Variants in HIPK2 observed in about 807,000 individuals in gnomAD.
HIPK2 encodes the protein homeodomain-interacting protein kinase 2.
A neutral mutation model predicts 113.7 loss-of-function variants in HIPK2; 27 were observed. That is an observed-to-expected ratio of 0.24 (90% CI 0.17 to 0.33). HIPK2 has a LOEUF of 0.33. Among genes scored for constraint, HIPK2 ranks in the 10% least tolerant of loss-of-function variants. The pLI is 1.00. For synonymous variants in HIPK2, 631 were observed against 642.2 expected, an observed-to-expected ratio of 0.98 and a Z score of 0.26; for missense variants, 1,257 against 1,588.0, an observed-to-expected ratio of 0.79 and a Z score of 3.54.
intron 1 of HIPK2, among the ~76,000 whole-genome samples, chr7:139,729,644 CAAG>C (rs1158735910): frequency 3.3e-5 from 5 of 152,170 alleles, no homozygotes; most frequent in African/African-American, 1.2e-4. Context: ...TGGAGGATCT[CAAG>C]AAGACAACCT....
intron 1 of HIPK2, among the ~76,000 whole-genome samples, chr7:139,769,381 C>T (rs1239850036): frequency 6.7e-6 from 1 of 148,322 alleles, no homozygotes; most frequent in Admixed American, 6.9e-5. Context: ...TTCTATTATA[C>T]CCAGGCCAGT....
intron 1 of HIPK2, among the ~76,000 whole-genome samples, chr7:139,764,053 A>G (rs754680875): frequency 2.0e-5 from 3 of 152,228 alleles, no homozygotes; most frequent in African/African-American, 7.2e-5. Context: ...TGAGAAACGC[A>G]TGTGTTAGAT....
At chr7:139,753,933 CT>C (rs1796322599) in intron 1 of HIPK2, among the ~76,000 whole-genome samples, 1 of 152,366 alleles carries the variant, frequency 6.6e-6, no homozygotes, top group South Asian at 2.1e-4. Context: ...AAGACTGGCA[CT>C]TTTCCTAGAC....
rs1170382246 is a variant in HIPK2 at position 139,714,122 on chromosome 7, C to T, written c.1103+1810G>A. 2.6e-5 allele frequency among the ~76,000 whole-genome samples: 4 copies of T among 152,156 alleles called. No individual in the cohort carries two copies. Among genetic ancestry groups the T allele is most frequent in the South Asian group, 2.1e-4 (1 of 4,824 alleles). On this transcript the variant is annotated intron_variant, in intron 2 of 14. Coordinates refer to ENST00000406875, the MANE Select transcript of HIPK2 (RefSeq NM_022740.5). This position sits in a 1 kb window ranked among gnomAD's most constrained non-coding sequence, Gnocchi z 4.2. ...AGGGGCAGCAGTAGACCCGTCTGTC[C>T]GCACGGGGCCTGGTGGTGAAAGCAC...
intron 1 of HIPK2, among the ~76,000 whole-genome samples, chr7:139,775,018 C>T (rs370370324): frequency 2.6e-5 from 4 of 152,180 alleles, no homozygotes; most frequent in East Asian, 1.9e-4. Context: ...CGGTTCAGAA[C>T]GCTCCATTAA....
chr7:139,562,168 C>T lies in HIPK2; in HGVS notation c.*10759G>A, dbSNP rs902295634. 10 of 152,178 alleles carry T rather than the reference C, an allele frequency of 6.6e-5. No individual in the cohort carries two copies. The highest frequency in any genetic ancestry group is 6.5e-4 in the Admixed American group (10 of 15,280). 9.4% of individuals were successfully genotyped at this position (152,178 alleles called of 1,614,324 possible). A position where few individuals can be genotyped will look rare whatever the true frequency, so the allele number is the denominator to read the frequency against. ...ACAATTCACATAGGAAAAAGAGGTA[C>T]ACGAGAAAATACTGTTGCACGCAAT... On this transcript the variant is annotated 3_prime_UTR_variant, in exon 15 of 15. Coordinates refer to ENST00000406875, the MANE Select transcript of HIPK2 (RefSeq NM_022740.5).
intron 1 of HIPK2, among the ~76,000 whole-genome samples, chr7:139,773,241 T>G (rs1256279892): frequency 6.6e-6 from 1 of 152,216 alleles, no homozygotes; most frequent in Non-Finnish European, 1.5e-5. Context: ...TAAGTCACAG[T>G]GATCACCGTG....
rs1006572667 is a variant in HIPK2, at chr7:139,630,310, G to A, written c.1347+855C>T. Among the ~76,000 whole-genome samples the A allele has an allele frequency of 1.3e-5, 2 of 152,044 alleles. No homozygotes were observed. The highest frequency in any genetic ancestry group is 1.3e-4 in the Admixed American group (2 of 15,260). ...TAGGATATTCCCATGGGCTCACCAG[G>A]CAGCCTCCTTTGCCTGGAACCCCTC... is the stretch of plus-strand genomic sequence containing the variant. On this transcript the variant is annotated intron_variant, in intron 4 of 14. Coordinates refer to ENST00000406875, the MANE Select transcript of HIPK2 (RefSeq NM_022740.5). This position sits in a 1 kb window ranked among gnomAD's most constrained non-coding sequence, Gnocchi z 4.0.
At chr7:139,616,564 A>G (rs1237293641) in intron 7 of HIPK2, among the ~76,000 whole-genome samples, 1 of 152,206 alleles carries the variant, frequency 6.6e-6, no homozygotes, top group Non-Finnish European at 1.5e-5. Flanking sequence ...TCTCTGACCC[A>G]TAGCATTCTC....
chr7:139,615,560 C>G (rs1351181554), intron 7 of HIPK2, among the ~76,000 whole-genome samples: 1 of 152,198 alleles, frequency 6.6e-6, no homozygotes, highest in Non-Finnish European at 1.5e-5. Flanking sequence ...CCTATCTTAG[C>G]CTTCATACTG....
At chr7:139,745,486 C>T (rs189733921) in intron 1 of HIPK2, among the ~76,000 whole-genome samples, 80 of 152,338 alleles carry the variant, frequency 5.3e-4, no homozygotes, top group Non-Finnish European at 9.7e-4. Context: ...TTATTTCACA[C>T]TGCAACCGCA....
chr7:139,731,587 AC>A (rs554438932), intron 1 of HIPK2, among the ~76,000 whole-genome samples: 139 of 152,228 alleles, frequency 9.1e-4, no homozygotes, highest in African/African-American at 3.3e-3. Flanking sequence ...CTGTTTGCAC[AC>A]CCCTTGTACT....
intron 2 of HIPK2, among the ~76,000 whole-genome samples, chr7:139,689,029 A>C (rs930860733): frequency 5.9e-5 from 9 of 152,194 alleles, no homozygotes; most frequent in Non-Finnish European, 7.3e-5. Context: ...AAATGAAGAG[A>C]AACTCTCAAA....
chr7:139,680,830 C>T (rs1334395394), intron 2 of HIPK2, among the ~76,000 whole-genome samples: 3 of 152,148 alleles, frequency 2.0e-5, no homozygotes, highest in South Asian at 4.1e-4. Context: ...AGCGGGCTTC[C>T]TGTGTTGTCT....
At chr7:139,767,338 A>G (rs1234901258) in intron 1 of HIPK2, among the ~76,000 whole-genome samples, 1 of 152,226 alleles carries the variant, frequency 6.6e-6, no homozygotes, top group Admixed American at 6.5e-5. Context: ...TACACCCCAA[A>G]GAAGGTTCTG....
chr7:139,726,839 G>C (rs1478332241), intron 1 of HIPK2, among the ~76,000 whole-genome samples: 1 of 152,228 alleles, frequency 6.6e-6, no homozygotes, highest in Non-Finnish European at 1.5e-5. Context: ...CAGAAGGCCA[G>C]AATGAGAAAT....
rs1223254980 is a variant in HIPK2 at position 139,562,093 on chromosome 7, GGTTT to G, written c.*10830_*10833del. On this transcript the variant is annotated 3_prime_UTR_variant, in exon 15 of 15. Transcript: ENST00000406875. ...GTTACATATAGGTCTACAACACATT[GGTTT>G]GTCTTTAAAAAAACAAAAGTAGACA... The G allele has an allele frequency of 6.6e-6, 1 of 151,942 alleles. No individual in the cohort carries two copies. The highest frequency in any genetic ancestry group is 1.5e-5 in the Non-Finnish European group (1 of 68,012). The allele number at this position is 151,942 out of a possible 1,614,324, so 9.4% of individuals were successfully genotyped here. A position where few individuals can be genotyped will look rare whatever the true frequency, so the allele number is the denominator to read the frequency against.
chr7:139,673,407 T>C (rs1418738029), intron 2 of HIPK2, among the ~76,000 whole-genome samples: 1 of 152,128 alleles, frequency 6.6e-6, no homozygotes, highest in East Asian at 1.9e-4. Flanking sequence ...TGGGAAAAAG[T>C]CACTTAGCTA....
Position 139,716,997 on chromosome 7 carries a change from T to C in HIPK2, c.38A>G (p.Gln13Arg). 1 of 1,610,878 alleles carries C rather than the reference T, an allele frequency of 6.2e-7. No individual in the cohort carries two copies. The highest frequency in any genetic ancestry group is 8.5e-7 in the Non-Finnish European group (1 of 1,177,280). ...TTGAAGGGTGTGAGGGGAGAAAACT[T>C]GCACATGTGAGGCCATACCTACAAG... ...PVYEGMASHV[Q>R]VFSPHTLQSS... Residue 13 changes from glutamine to arginine, a missense_variant, in exon 2 of 15, where the codon CAA (glutamine) becomes CGA (arginine). This residue lies in a region of HIPK2 where 209 missense variants were observed against 237.8 expected (regional missense o/e 0.88). Coordinates refer to ENST00000406875, the MANE Select transcript of HIPK2 (RefSeq NM_022740.5). This position sits in a 1 kb window ranked among gnomAD's most constrained non-coding sequence, Gnocchi z 9.3.
Sources: gnomAD v4.1 joint callset for allele counts (sites outside exome capture counted in the v4.1 genomes callset) on GRCh38, gnomAD v4.1.1 for gene constraint, gnomAD v4.1.1 regional missense constraint, Gnocchi (gnomAD v3.1) non-coding constraint, MANE v1.5 for transcripts, NCBI Gene and HGNC (gene_info 2026-07-23, HGNC 2026-07-21) for gene names.